The following SMOC2 variants were observed in gnomAD, a reference collection of about 807,000 sequenced individuals.
The protein encoded by SMOC2 is SPARC related modular calcium binding 2, also known as SPARC-related modular calcium-binding protein 2.
A neutral mutation model predicts 61.4 loss-of-function variants in SMOC2; 39 were observed. The ratio of observed to expected loss-of-function variants is 0.64; its 90% confidence interval spans 0.49 to 0.83. SMOC2 has a LOEUF of 0.83. Among genes scored for constraint, SMOC2 ranks in the 40% least tolerant of loss-of-function variants. The probability of loss-of-function intolerance (pLI) is 0.00; values close to 1 mark genes in which losing one functional copy is unlikely to be tolerated. For missense variants in SMOC2, 556 were observed against 592.9 expected, an observed-to-expected ratio of 0.94 and a Z score of 0.65; for synonymous variants, 247 against 239.9, an observed-to-expected ratio of 1.03 and a Z score of -0.27.
intron 7 of SMOC2, among the ~76,000 whole-genome samples, chr6:168,568,727 A>C (rs1422632306): frequency 6.6e-6 from 1 of 152,000 alleles, no homozygotes; most frequent in Non-Finnish European, 1.5e-5. Flanking sequence ...TCTTTTTACT[A>C]TCTCCATAGT....
In SMOC2 at chr6:168,452,805, A is replaced by G. The variant is rs952950156; in HGVS notation, c.84+11351A>G. 3.9e-5 allele frequency among the ~76,000 whole-genome samples: 6 copies of G among 152,152 alleles called. No individual in the cohort carries two copies. The highest frequency in any genetic ancestry group is 1.4e-4 in the African/African-American group (6 of 41,424). ...ATCTGTAGGTTGTCTGGCCAACTTT[A>G]TTCTAGAAGGCAGCAGGAAGGAGGG... On this transcript the variant is annotated intron_variant, in intron 1 of 12. Transcript: ENST00000356284. The surrounding 1 kb of genome is among the most constrained non-coding windows in gnomAD (Gnocchi z 5.0).
At chr6:168,500,902 T>C (rs1782712420) in intron 1 of SMOC2, among the ~76,000 whole-genome samples, 1 of 152,126 alleles carries the variant, frequency 6.6e-6, no homozygotes, top group African/African-American at 2.4e-5. Flanking sequence ...ATAAGGATGG[T>C]GCCTGAGGCT....
At chr6:168,595,193 A>G (rs1345542849) in intron 7 of SMOC2, among the ~76,000 whole-genome samples, 63 of 107,408 alleles carry the variant, frequency 5.9e-4, no homozygotes, top group Admixed American at 2.7e-3. Context: ...CTGAGGCCTC[A>G]CGAGGGGCAT....
chr6:168,552,554 C>T (rs1234133826), intron 7 of SMOC2, among the ~76,000 whole-genome samples: 1 of 152,142 alleles, frequency 6.6e-6, no homozygotes, highest in Non-Finnish European at 1.5e-5. Flanking sequence ...TTTGTTCCCG[C>T]AGACATAGAA....
At chr6:168,586,355 G>A (rs893820045) in intron 7 of SMOC2, among the ~76,000 whole-genome samples, 1 of 152,060 alleles carries the variant, frequency 6.6e-6, no homozygotes, top group African/African-American at 2.4e-5. Flanking sequence ...CTACTTAGCT[G>A]TCCTTTTTCC....
intron 4 of SMOC2, among the ~76,000 whole-genome samples, chr6:168,540,547 GC>G (rs1405586352): frequency 1.2e-4 from 19 of 152,286 alleles, no homozygotes; most frequent in Middle Eastern, 3.4e-3. Context: ...AAGGTGCCTG[GC>G]CAGGGGCACG....
intron 1 of SMOC2, among the ~76,000 whole-genome samples, chr6:168,467,136 A>AACACACACACACAAAC (rs1781854269): frequency 2.2e-5 from 3 of 133,334 alleles, no homozygotes; most frequent in African/African-American, 8.3e-5. Flanking sequence ...AGTGCTCTCA[A>AACACACACACACAAAC]ACACACACAC....
At position 168,665,583 on chromosome 6, in the gene SMOC2, T is replaced by C. The variant is rs938156395; in HGVS notation, c.1324-838T>C. On this transcript the variant is annotated intron_variant, in intron 12 of 12. Transcript: ENST00000356284. ...CTTTCCTGATCTCTTCAGCTTCCGCTGCCACTCCAGAATCATCAGAGCTGA... is the reference window on the plus strand; with the variant it reads ...CTTTCCTGATCTCTTCAGCTTCCGCCGCCACTCCAGAATCATCAGAGCTGA... Among the ~76,000 whole-genome samples, 99 of 152,376 alleles carry C rather than the reference T, an allele frequency of 6.5e-4. 1 individual carries two copies. Among genetic ancestry groups the C allele is most frequent in the Non-Finnish European group, 1.0e-4 (7 of 68,036 alleles).
intron 1 of SMOC2, among the ~76,000 whole-genome samples, chr6:168,465,509 A>G (rs937921670): frequency 3.9e-5 from 6 of 151,922 alleles, no homozygotes; most frequent in African/African-American, 1.4e-4. Context: ...AGAAATTGCT[A>G]TGTGAGACAG....
chr6:168,565,661 G>A (rs1014004195), intron 7 of SMOC2, among the ~76,000 whole-genome samples: 11 of 152,324 alleles, frequency 7.2e-5, no homozygotes, highest in African/African-American at 2.4e-4. Context: ...TGAATTGCTT[G>A]CATTGAAAAC....
intron 1 of SMOC2, among the ~76,000 whole-genome samples, chr6:168,479,546 A>G (rs1583045550): frequency 6.6e-6 from 1 of 152,284 alleles, no homozygotes; most frequent in South Asian, 2.1e-4. Context: ...TTCTAGGTAA[A>G]GGCTTGGACA....
At chr6:168,568,393 C>T (rs1034908882) in intron 7 of SMOC2, among the ~76,000 whole-genome samples, 2 of 152,202 alleles carry the variant, frequency 1.3e-5, no homozygotes, top group Non-Finnish European at 2.9e-5. Context: ...ACACCTCCAC[C>T]ACTTTTCCTG....
intron 9 of SMOC2, among the ~76,000 whole-genome samples, chr6:168,647,632 C>G (rs1787073034): frequency 6.6e-6 from 1 of 152,220 alleles, no homozygotes; most frequent in African/African-American, 2.4e-5. Flanking sequence ...CGTTGCTCCT[C>G]TCATGCGTTT....
intron 8 of SMOC2, among the ~76,000 whole-genome samples, chr6:168,601,917 T>C (rs558088695): frequency 2.2e-4 from 34 of 152,358 alleles, no homozygotes; most frequent in African/African-American, 7.9e-4. Flanking sequence ...GCTCTCCTGT[T>C]TCCTATTTCT....
chr6:168,530,525 G>A (rs1783564338), intron 4 of SMOC2, among the ~76,000 whole-genome samples: 1 of 151,984 alleles, frequency 6.6e-6, no homozygotes, highest in Admixed American at 6.6e-5. Flanking sequence ...GCAGGAAAAG[G>A]TGCCTAGGAT....
At chr6:168,483,867 A>G (rs1247055664) in intron 1 of SMOC2, among the ~76,000 whole-genome samples, 2 of 152,180 alleles carry the variant, frequency 1.3e-5, no homozygotes. Context: ...AACAAATGGC[A>G]TGAGAAAACC....
chr6:168,503,112 C>CT (rs1324406564), intron 1 of SMOC2, among the ~76,000 whole-genome samples: 2 of 80,476 alleles, frequency 2.5e-5, no homozygotes, highest in Non-Finnish European at 4.5e-5. Flanking sequence ...AAATTTCACT[C>CT]TTGTTGCCAA....
chr6:168,641,223 C>T (rs946800315), intron 9 of SMOC2, among the ~76,000 whole-genome samples: 15 of 152,046 alleles, frequency 9.9e-5, no homozygotes, highest in African/African-American at 3.6e-4. Flanking sequence ...TGAGTGTGCC[C>T]TGAAATGCTC....
chr6:168,574,672 G>A (rs1288704511), intron 7 of SMOC2, among the ~76,000 whole-genome samples: 1 of 151,950 alleles, frequency 6.6e-6, no homozygotes, highest in Non-Finnish European at 1.5e-5. Context: ...TGTGTAGGGG[G>A]TCCGGTGGGT....
Sources: allele counts gnomAD v4.1 joint callset (sites outside exome capture counted in the v4.1 genomes callset), GRCh38; gene constraint gnomAD v4.1.1; non-coding constraint Gnocchi (gnomAD v3.1); transcripts MANE v1.5; gene names NCBI Gene and HGNC (gene_info 2026-07-23, HGNC 2026-07-21).